The following COXFA4 variants were observed in gnomAD, a reference collection of about 807,000 sequenced individuals.
COXFA4 encodes the protein cytochrome c oxidase subunit FA4.
the COXFA4 span, among the ~76,000 whole-genome samples, chr7:10,936,538 T>A: frequency 6.6e-6 from 1 of 152,246 alleles, no homozygotes; most frequent in Non-Finnish European, 1.5e-5. Flanking sequence ...AACAAATTCA[T>A]AAACAATGTC....
At chr7:10,935,785 T>C in the COXFA4 span, among the ~76,000 whole-genome samples, 1 of 152,242 alleles carries the variant, frequency 6.6e-6, no homozygotes, top group African/African-American at 2.4e-5. Flanking sequence ...TACAGTATCT[T>C]GTTACGGCAG....
the COXFA4 span, among the ~76,000 whole-genome samples, chr7:10,936,960 T>TG: frequency 1.3e-5 from 2 of 152,170 alleles, no homozygotes; most frequent in African/African-American, 2.4e-5. Flanking sequence ...CACTTGAGCC[T>TG]GGGAAGTGGA....
At chr7:10,936,730 G>A in the COXFA4 span, among the ~76,000 whole-genome samples, 5 of 152,186 alleles carry the variant, frequency 3.3e-5, no homozygotes, top group Non-Finnish European at 7.4e-5. Flanking sequence ...ATCCACAAAG[G>A]GTGATGTTAA....
chr7:10,933,877 T>C, the COXFA4 span, among the ~76,000 whole-genome samples: 6 of 152,162 alleles, frequency 3.9e-5, no homozygotes, highest in African/African-American at 1.2e-4. Flanking sequence ...CCTTCAATGA[T>C]AGTTTTGGCA....
the COXFA4 span, chr7:10,939,876 G>T: frequency 1.0e-6 from 1 of 963,350 alleles, no homozygotes; most frequent in South Asian, 1.3e-5. Context: ...CAACTAAGAT[G>T]ACAAACACTA....
chr7:10,933,700 C>G, the COXFA4 span: 373 of 1,600,938 alleles, frequency 2.3e-4, no homozygotes, highest in Non-Finnish European at 3.0e-4. Context: ...GAACTTGGAA[C>G]AGAAAAAAAG....
chr7:10,938,604 A>G, the COXFA4 span: 1 of 526,034 alleles, frequency 1.9e-6, no homozygotes, highest in African/African-American at 1.9e-5. Context: ...TACTTTACCA[A>G]AGAGAAAACG....
the COXFA4 span, chr7:10,939,923 C>T: frequency 7.8e-6 from 11 of 1,410,984 alleles, no homozygotes; most frequent in East Asian, 2.3e-4. Context: ...CGGTAAGTGG[C>T]TGTAAATGAG....
the COXFA4 span, chr7:10,938,821 T>C: frequency 6.2e-7 from 1 of 1,613,346 alleles, no homozygotes; most frequent in Non-Finnish European, 8.5e-7. Context: ...ACATCTGGAT[T>C]GAACAATGCC....
chr7:10,935,874 T>A, the COXFA4 span, among the ~76,000 whole-genome samples: 7 of 152,248 alleles, frequency 4.6e-5, no homozygotes, highest in Non-Finnish European at 8.8e-5. Flanking sequence ...GCCATCTGTA[T>A]GCTGATTGCT....
At chr7:10,934,168 A>C in the COXFA4 span, among the ~76,000 whole-genome samples, 1 of 152,056 alleles carries the variant, frequency 6.6e-6, no homozygotes, top group Non-Finnish European at 1.5e-5. Context: ...AATATAAGGT[A>C]CTGCTTTGTT....
chr7:10,940,109 G>C, the COXFA4 span: 6 of 1,577,456 alleles, frequency 3.8e-6, no homozygotes, highest in Admixed American at 8.3e-5. Context: ...CTAGCCACCA[G>C]GCCCTAAGCT....
At chr7:10,939,679 C>G in the COXFA4 span, 9 of 395,030 alleles carry the variant, frequency 2.3e-5, no homozygotes, top group Non-Finnish European at 1.4e-5. Context: ...ATGCTAGTCT[C>G]TGACCCACAC....
chr7:10,938,093 G>A, the COXFA4 span: 1 of 1,612,458 alleles, frequency 6.2e-7, no homozygotes, highest in Non-Finnish European at 8.5e-7. Flanking sequence ...AGTTTACCTT[G>A]TATTGATCAT....
chr7:10,933,685 G>T, the COXFA4 span: 5 of 1,607,816 alleles, frequency 3.1e-6, no homozygotes, highest in Non-Finnish European at 3.4e-6. Context: ...CACATTCACT[G>T]AGTAGAACTT....
At chr7:10,937,386 G>A in the COXFA4 span, among the ~76,000 whole-genome samples, 1 of 151,684 alleles carries the variant, frequency 6.6e-6, no homozygotes, top group South Asian at 2.1e-4. Flanking sequence ...AGGTTCAAGC[G>A]ATTCTCCTGC....
the COXFA4 span, among the ~76,000 whole-genome samples, chr7:10,936,591 G>C: frequency 6.6e-6 from 1 of 152,148 alleles, no homozygotes; most frequent in Admixed American, 6.5e-5. Context: ...TATCTTTTTA[G>C]AGGCAAAATA....
At chr7:10,937,832 G>C in the COXFA4 span, 23 of 476,498 alleles carry the variant, frequency 4.8e-5, no homozygotes, top group Middle Eastern at 5.8e-4. Flanking sequence ...CACTGTGTTA[G>C]ACTACCTAAG....
At chr7:10,938,170 A>C in the COXFA4 span, 2 of 1,599,116 alleles carry the variant, frequency 1.3e-6, no homozygotes, top group Middle Eastern at 1.8e-4. Flanking sequence ...AAACATTACG[A>C]CTGTTATAAT....
Sources: allele counts gnomAD v4.1 joint callset (sites outside exome capture counted in the v4.1 genomes callset), GRCh38; gene constraint gnomAD v4.1.1; transcripts MANE v1.5; gene names NCBI Gene and HGNC (gene_info 2026-07-23, HGNC 2026-07-21).